Variants in PALM2AKAP2 observed in about 807,000 individuals in gnomAD.
PALM2AKAP2 encodes the protein PALM2 and AKAP2 fusion, also known as PALM2-AKAP2 fusion protein.
A neutral mutation model predicts 71.5 loss-of-function variants in PALM2AKAP2; 37 were observed. That is an observed-to-expected ratio of 0.52 (90% CI 0.40 to 0.68). The LOEUF is 0.68. PALM2AKAP2 is among the 30% of genes least tolerant of loss of function. PALM2AKAP2 has a pLI of 0.00. For synonymous variants in PALM2AKAP2, 468 were observed against 478.8 expected (o/e 0.98, Z 0.29); for missense variants, 1,224 against 1,191.8 (o/e 1.03, Z -0.40).
At chr9:110,134,599 T>G (rs1835805578) in intron 1 of PALM2AKAP2, among the ~76,000 whole-genome samples, 1 of 152,226 alleles carries the variant, frequency 6.6e-6, no homozygotes, top group Admixed American at 6.5e-5. Context: ...GACAGCAGTG[T>G]AGAGCACTTA....
At chr9:110,006,742 T>C (rs917855270) in intron 6 of PALM2AKAP2, among the ~76,000 whole-genome samples, 1 of 152,192 alleles carries the variant, frequency 6.6e-6, no homozygotes, top group African/African-American at 2.4e-5. Context: ...TGATTCTGCC[T>C]GCCATTCCAA....
intron 6 of PALM2AKAP2, among the ~76,000 whole-genome samples, chr9:109,959,644 C>CAAAA (rs11441362): frequency 2.8e-4 from 25 of 90,638 alleles, no homozygotes; most frequent in African/African-American, 9.6e-4. Context: ...GACTCCGTCT[C>CAAAA]AAAAAAAAAA....
intron 3 of PALM2AKAP2, among the ~76,000 whole-genome samples, chr9:109,920,642 G>A (rs1194749296): frequency 6.6e-6 from 1 of 151,996 alleles, no homozygotes; most frequent in Non-Finnish European, 1.5e-5. Context: ...GCCTCCCAAA[G>A]TGCTGAGATT....
intron 7 of PALM2AKAP2, among the ~76,000 whole-genome samples, chr9:110,023,676 T>A (rs183529861): frequency 5.9e-5 from 9 of 151,820 alleles, no homozygotes; most frequent in Middle Eastern, 3.4e-3. Context: ...ACAGCTCTCC[T>A]TCATAGCCAC....
At chr9:109,931,891 CTG>C (rs1831110783) in intron 5 of PALM2AKAP2, 34 bp from the exon 6 acceptor site, 4 of 1,608,562 alleles carry the variant, frequency 2.5e-6, no homozygotes, top group Non-Finnish European at 3.4e-6. Flanking sequence ...CCTCCCAACA[CTG>C]TGACTAATTG....
intron 1 of PALM2AKAP2, among the ~76,000 whole-genome samples, chr9:109,748,141 C>G (rs1587892973): frequency 6.6e-6 from 1 of 152,286 alleles, no homozygotes. Flanking sequence ...GTTGATTAAC[C>G]ACTTGGAATG....
intron 1 of PALM2AKAP2, among the ~76,000 whole-genome samples, chr9:110,084,690 C>T (rs1834521402): frequency 6.6e-6 from 1 of 152,060 alleles, no homozygotes; most frequent in African/African-American, 2.4e-5. Flanking sequence ...AAAAAAAAGT[C>T]TGTGGGTGTT....
Position 110,009,031 on chromosome 9 carries a change from C to T in PALM2AKAP2, c.497-6923C>T, listed in dbSNP as rs74820676. Reference sequence around the variant, plus strand: ...GAACTGGGAATATTTGCATGAGCGGCATTAATGGCCACCAGTCACCCTCTT... The same window carrying T: ...GAACTGGGAATATTTGCATGAGCGGTATTAATGGCCACCAGTCACCCTCTT... On this transcript the variant is annotated intron_variant, in intron 6 of 9. Transcript: ENST00000302798. Among the ~76,000 whole-genome samples, 1,430 of 152,270 alleles carry T rather than the reference C, an allele frequency of 9.4e-3. 22 individuals carry two copies. The highest frequency in any genetic ancestry group is 0.033 in the African/African-American group (1,380 of 41,552).
At chr9:109,834,546 T>C (rs1385594252) in intron 1 of PALM2AKAP2, among the ~76,000 whole-genome samples, 1 of 152,060 alleles carries the variant, frequency 6.6e-6, no homozygotes, top group East Asian at 1.9e-4. Flanking sequence ...GTGAGGACCT[T>C]GGGGGATTGC....
At chr9:109,835,220 G>C (rs1828429825) in intron 1 of PALM2AKAP2, among the ~76,000 whole-genome samples, 1 of 143,316 alleles carries the variant, frequency 7.0e-6, no homozygotes, top group Non-Finnish European at 1.5e-5. Flanking sequence ...AGGGTGTAGG[G>C]AAAGAGGAGA....
chr9:109,965,762 C>T lies in PALM2AKAP2; in HGVS notation c.496+33734C>T, dbSNP rs897915103. On this transcript the variant is annotated intron_variant, in intron 6 of 9. Coordinates refer to the PALM2AKAP2 transcript ENST00000302798. Reference sequence around the variant, plus strand: ...TACCACAATAAAAAAATAAATGCCTCGTGCAGTACCTGGCCATTGAAGATA... The same window carrying T: ...TACCACAATAAAAAAATAAATGCCTTGTGCAGTACCTGGCCATTGAAGATA... Among the ~76,000 whole-genome samples the T allele has an allele frequency of 4.6e-5, 7 of 152,008 alleles. No individual in the cohort carries two copies. In the East Asian group the frequency reaches 9.6e-4, roughly 21 times the overall value.
intron 6 of PALM2AKAP2, among the ~76,000 whole-genome samples, chr9:109,958,223 A>G (rs1196797750): frequency 6.6e-6 from 1 of 152,112 alleles, no homozygotes; most frequent in Non-Finnish European, 1.5e-5. Flanking sequence ...AGAAAACTCC[A>G]TCTAGCTTAT....
At chr9:109,659,154 G>A (rs181266014) in intron 1 of PALM2AKAP2, among the ~76,000 whole-genome samples, 68 of 152,216 alleles carry the variant, frequency 4.5e-4, no homozygotes, top group African/African-American at 1.5e-3. Context: ...TTTTTTGTGT[G>A]TGAAGGAGGG....
At chr9:109,838,881 A>G (rs965780110) in intron 1 of PALM2AKAP2, among the ~76,000 whole-genome samples, 2 of 152,202 alleles carry the variant, frequency 1.3e-5, no homozygotes, top group African/African-American at 2.4e-5. Context: ...TCTGAAATTA[A>G]GGCAATAATT....
At chr9:109,844,732 C>T (rs1334196076) in intron 1 of PALM2AKAP2, among the ~76,000 whole-genome samples, 1 of 152,124 alleles carries the variant, frequency 6.6e-6, no homozygotes, top group Non-Finnish European at 1.5e-5. Flanking sequence ...TGTAAGTGCC[C>T]CTTGCTGCAC....
intron 1 of PALM2AKAP2, among the ~76,000 whole-genome samples, chr9:109,803,876 A>G (rs917974671): frequency 6.6e-6 from 1 of 152,234 alleles, no homozygotes; most frequent in Admixed American, 6.5e-5. Flanking sequence ...TCATCTAAAC[A>G]AAGGCAGTGG....
intron 1 of PALM2AKAP2, among the ~76,000 whole-genome samples, chr9:109,824,852 G>A (rs1394554273): frequency 6.6e-6 from 1 of 152,160 alleles, no homozygotes; most frequent in Non-Finnish European, 1.5e-5. Flanking sequence ...TGGGGATACT[G>A]TTTTGTTTTT....
At chr9:109,714,889 G>A (rs908099572) in intron 1 of PALM2AKAP2, among the ~76,000 whole-genome samples, 1 of 152,200 alleles carries the variant, frequency 6.6e-6, no homozygotes. Context: ...GGTCAGCTGA[G>A]CATGAGAGTT....
intron 1 of PALM2AKAP2, among the ~76,000 whole-genome samples, chr9:110,128,763 CT>C (rs887041231): frequency 4.6e-5 from 7 of 152,308 alleles, no homozygotes; most frequent in Admixed American, 4.6e-4. Context: ...GAACATTGTC[CT>C]TGTGGTGAAG....
Sources: allele counts gnomAD v4.1 joint callset (sites outside exome capture counted in the v4.1 genomes callset), GRCh38; gene constraint gnomAD v4.1.1; transcripts MANE v1.5; gene names NCBI Gene and HGNC (gene_info 2026-07-23, HGNC 2026-07-21).